The following DGKI variants were observed in gnomAD, a reference collection of about 807,000 sequenced individuals.
The protein encoded by DGKI is diacylglycerol kinase iota.
A neutral mutation model predicts 147.5 loss-of-function variants in DGKI; 55 were observed. The ratio of observed to expected loss-of-function variants is 0.37; its 90% CI spans 0.30 to 0.47. DGKI has a LOEUF of 0.47. DGKI is among the 20% of genes least tolerant of loss of function. DGKI has a pLI of 1.00. For synonymous variants in DGKI, 469 were observed against 477.1 expected (o/e 0.98, Z 0.22); for missense variants, 1,007 against 1,323.8 (o/e 0.76, Z 3.71).
chr7:137,829,144 C>T (rs1014190672), intron 1 of DGKI, among the ~76,000 whole-genome samples: 5 of 152,190 alleles, frequency 3.3e-5, no homozygotes, highest in Admixed American at 1.3e-4. Context: ...ATCTAATGCT[C>T]AATATGTCTG....
At chr7:137,517,128 G>GCCAGATT (rs1160308348) in intron 21 of DGKI, among the ~76,000 whole-genome samples, 5 of 149,584 alleles carry the variant, frequency 3.3e-5, no homozygotes, top group African/African-American at 4.9e-5. Flanking sequence ...AACAGACAAA[G>GCCAGATT]CCAGATTGGA....
intron 2 of DGKI, among the ~76,000 whole-genome samples, chr7:137,686,400 C>T (rs1031524623): frequency 6.6e-6 from 1 of 152,180 alleles, no homozygotes; most frequent in Non-Finnish European, 1.5e-5. Flanking sequence ...ACTGCAGGTT[C>T]TATCCCTGAC....
At chr7:137,416,086 A>G (rs1731968) in intron 28 of DGKI, among the ~76,000 whole-genome samples, 80,728 of 151,868 alleles carry the variant, frequency 0.53, 22,626 homozygotes, top group Non-Finnish European at 0.63. Context: ...TAATAAAAAG[A>G]GAGAGAGAGA....
chr7:137,703,021 T>C (rs1467940732), intron 1 of DGKI, among the ~76,000 whole-genome samples: 1 of 152,158 alleles, frequency 6.6e-6, no homozygotes, highest in African/African-American at 2.4e-5. Flanking sequence ...TAGAAGACCA[T>C]GCACAGGTGG....
intron 1 of DGKI, among the ~76,000 whole-genome samples, chr7:137,743,301 C>T (rs1020126558): frequency 3.9e-4 from 59 of 152,328 alleles, no homozygotes; most frequent in African/African-American, 1.4e-3. Context: ...CTACAGGATA[C>T]TTCATCCAGC....
At chr7:137,784,632 A>T (rs543372153) in intron 1 of DGKI, among the ~76,000 whole-genome samples, 1 of 152,284 alleles carries the variant, frequency 6.6e-6, no homozygotes, top group African/African-American at 2.4e-5. Flanking sequence ...AACTTAACAG[A>T]TATTTATAGA....
At chr7:137,628,730 C>CT (rs941658867) in intron 6 of DGKI, among the ~76,000 whole-genome samples, 3 of 152,070 alleles carry the variant, frequency 2.0e-5, no homozygotes, top group Admixed American at 6.6e-5. Context: ...GGAATAAGGT[C>CT]TTTTTTTGTT....
intron 21 of DGKI, among the ~76,000 whole-genome samples, chr7:137,497,808 G>C (rs1052119961): frequency 5.3e-5 from 8 of 152,114 alleles, no homozygotes; most frequent in African/African-American, 1.9e-4. Context: ...GGGCCTCCTT[G>C]ATGGTAGAGA....
At chr7:137,763,945 G>A (rs922721394) in intron 1 of DGKI, among the ~76,000 whole-genome samples, 3 of 152,204 alleles carry the variant, frequency 2.0e-5, no homozygotes, top group East Asian at 3.8e-4. Context: ...AAAACAGACC[G>A]CTAAATAAGG....
Position 137,391,354 on chromosome 7 carries a change from G to GAA in DGKI, c.3058-20_3058-19dup, listed in dbSNP as rs753097708. The GAA allele has an allele frequency of 1.7e-4, 188 of 1,120,830 alleles. No individual in the cohort carries two copies. The highest frequency in any genetic ancestry group is 5.2e-4 in the South Asian group (27 of 51,774). The allele number at this position is 1,120,830 out of a possible 1,614,324, so 69.4% of individuals were successfully genotyped here. A position where few individuals can be genotyped will look rare whatever the true frequency, so the allele number is the denominator to read the frequency against. On this transcript the variant is annotated intron_variant, in intron 32 of 32. Transcript: ENST00000614521. ...GTCTTACCCTATACGAAAATAGTGA[G>GAA]AAAAAAAAAAAGAGAGAGAGAGATA...
chr7:137,536,757 G>T (rs1161894770), intron 20 of DGKI, among the ~76,000 whole-genome samples: 1 of 152,156 alleles, frequency 6.6e-6, no homozygotes, highest in Non-Finnish European at 1.5e-5. Flanking sequence ...GGAAAGAGGG[G>T]TTGCAGAATA....
At chr7:137,681,730 G>A (rs1823241855) in intron 2 of DGKI, among the ~76,000 whole-genome samples, 1 of 152,240 alleles carries the variant, frequency 6.6e-6, no homozygotes, top group Admixed American at 6.5e-5. Context: ...CCAAAATGTA[G>A]CAGTGGGTAA....
At chr7:137,470,276 G>A (rs1039895977) in intron 23 of DGKI, among the ~76,000 whole-genome samples, 2 of 152,118 alleles carry the variant, frequency 1.3e-5, no homozygotes, top group African/African-American at 2.4e-5. Flanking sequence ...TTTTCTAGGC[G>A]TCTCATTTCT....
intron 10 of DGKI, among the ~76,000 whole-genome samples, chr7:137,604,961 T>C (rs997301853): frequency 4.6e-5 from 7 of 152,166 alleles, no homozygotes; most frequent in Non-Finnish European, 8.8e-5. Context: ...AGGAGGGGAT[T>C]GCACTGGAGT....
At chr7:137,555,845 T>C (rs1488065665) in intron 19 of DGKI, among the ~76,000 whole-genome samples, 1 of 152,154 alleles carries the variant, frequency 6.6e-6, no homozygotes, top group Non-Finnish European at 1.5e-5. Context: ...ACAGTGTCTA[T>C]TTAGTACAAG....
intron 8 of DGKI, among the ~76,000 whole-genome samples, chr7:137,611,119 G>A (rs919133736): frequency 2.6e-5 from 4 of 152,076 alleles, no homozygotes; most frequent in Non-Finnish European, 4.4e-5. Flanking sequence ...GGAATATTTC[G>A]CATTATGAAA....
intron 21 of DGKI, among the ~76,000 whole-genome samples, chr7:137,514,500 T>C (rs1208314452): frequency 6.6e-6 from 1 of 152,202 alleles, no homozygotes; most frequent in Non-Finnish European, 1.5e-5. Context: ...ACAGCTTTTA[T>C]GAGTTATTTT....
chr7:137,397,191 C>T (rs532623055), intron 31 of DGKI, among the ~76,000 whole-genome samples, 186 bp downstream of exon 31: 11 of 152,202 alleles, frequency 7.2e-5, no homozygotes, highest in Non-Finnish European at 1.6e-4. Flanking sequence ...TGACAATTGT[C>T]ATCAATTTCT....
intron 27 of DGKI, among the ~76,000 whole-genome samples, chr7:137,445,078 C>T (rs542133872): frequency 1.5e-4 from 23 of 152,132 alleles, no homozygotes; most frequent in Non-Finnish European, 2.1e-4. Context: ...AATAGAGCTG[C>T]CAATTACTAT....
Sources: allele counts gnomAD v4.1 joint callset (sites outside exome capture counted in the v4.1 genomes callset), GRCh38; gene constraint gnomAD v4.1.1; transcripts MANE v1.5; gene names NCBI Gene and HGNC (gene_info 2026-07-23, HGNC 2026-07-21).